The following DROSHA variants were observed in gnomAD, a reference collection of about 807,000 sequenced individuals.
DROSHA encodes the protein drosha ribonuclease III, also known as ribonuclease 3.
Under a neutral mutation model 181.9 loss-of-function variants are expected in DROSHA, and 56 were observed. The ratio of observed to expected loss-of-function variants is 0.31; its 90% CI spans 0.25 to 0.38. DROSHA has a LOEUF of 0.38. Ranked by LOEUF, DROSHA falls within the 10% of genes least tolerant of loss-of-function variation. The probability of loss-of-function intolerance (pLI) is 1.00; values close to 1 mark genes in which losing one functional copy is unlikely to be tolerated. For missense variants in DROSHA, 1,218 were observed against 1,743.5 expected (o/e 0.70, Z 5.37); for synonymous variants, 524 against 591.2 (o/e 0.89, Z 1.65).
At chr5:31,436,795 CACTA>C (rs1318848051) in intron 24 of DROSHA, among the ~76,000 whole-genome samples, 1 of 123,332 alleles carries the variant, frequency 8.1e-6, no homozygotes, top group Non-Finnish European at 1.7e-5. Flanking sequence ...CACACACACA[CACTA>C]GAAAATCTGG....
rs765550090 is a variant in DROSHA at position 31,421,262 on chromosome 5, AC to A, written c.3525+9del. On this transcript the variant is annotated intron_variant, in intron 30 of 35. Coordinates refer to ENST00000344624, the MANE Select transcript of DROSHA (RefSeq NM_001382508.1). The stretch of plus-strand genomic sequence containing the variant: ...CAATCTTATTGGAGGAAGTGATTTA[AC>A]CAACTCACAGTTAAGTGTCCTTCAT... The A allele has an allele frequency of 2.5e-6, 4 of 1,601,720 alleles. No individual in the cohort carries two copies. The highest frequency in any genetic ancestry group is 3.4e-6 in the Non-Finnish European group (4 of 1,169,150).
chr5:31,515,108 T>C lies in DROSHA; in HGVS notation c.1170A>G (p.Lys390=). Residue 390 remains lysine, a synonymous_variant, in exon 8 of 36, where the codon AAA becomes AAG. Coordinates refer to ENST00000344624, the MANE Select transcript of DROSHA (RefSeq NM_001382508.1). Reference sequence around the variant, plus strand: ...TGTCAGGCATGGTCTCCTCGGGCTCTTTTTCCTTGATTGAGGTATAGTTCT... The same window carrying C: ...TGTCAGGCATGGTCTCCTCGGGCTCCTTTTCCTTGATTGAGGTATAGTTCT... ...KDKNYTSIKE[K]EPEETMPDKN... 6.2e-7 allele frequency: 1 copy of C among 1,614,014 alleles called. No homozygotes were observed. Among genetic ancestry groups the C allele is most frequent in the Non-Finnish European group, 8.5e-7 (1 of 1,179,880 alleles).
chr5:31,447,739 C>A (rs1235478081), intron 23 of DROSHA, among the ~76,000 whole-genome samples: 3 of 152,084 alleles, frequency 2.0e-5, no homozygotes, highest in African/African-American at 7.2e-5. Context: ...TCAATAAGCA[C>A]ATGAAAAGAT....
chr5:31,421,519 T>C, intron 29 of DROSHA, 142 bp from the exon 30 acceptor site: 5 of 661,844 alleles, frequency 7.6e-6, no homozygotes, highest in Non-Finnish European at 1.3e-5. Flanking sequence ...TACAATTCCC[T>C]AAGGCCCCTC....
At chr5:31,503,446 C>T (rs1447023914) in intron 11 of DROSHA, among the ~76,000 whole-genome samples, 1 of 152,124 alleles carries the variant, frequency 6.6e-6, no homozygotes, top group African/African-American at 2.4e-5. Flanking sequence ...CAAGGAAGGG[C>T]CTGCTGTCCA....
At chr5:31,420,967 T>C (rs993217875) in intron 30 of DROSHA, among the ~76,000 whole-genome samples, 3 of 152,250 alleles carry the variant, frequency 2.0e-5, no homozygotes, top group African/African-American at 7.2e-5. Flanking sequence ...ATTTAAGCTT[T>C]AATCTCCTCT....
chr5:31,467,766 A>T, intron 18 of DROSHA, 173 bp downstream of exon 18: 1 of 843,274 alleles, frequency 1.2e-6, no homozygotes, highest in Non-Finnish European at 1.7e-6. Flanking sequence ...TACAGAAAAT[A>T]ATTCTTCAGG....
At chr5:31,486,375 C>CT in intron 14 of DROSHA, 116 bp downstream of exon 14, 1 of 990,138 alleles carries the variant, frequency 1.0e-6, no homozygotes, top group Non-Finnish European at 1.5e-6. Context: ...GAATATGATA[C>CT]TTTAGAGATA....
chr5:31,450,347 A>C (rs1219471782), intron 21 of DROSHA, among the ~76,000 whole-genome samples: 26 of 152,230 alleles, frequency 1.7e-4, no homozygotes, highest in Admixed American at 1.7e-3. Flanking sequence ...CCAAAGAAAA[A>C]GAAGTCATTA....
chr5:31,488,552 T>C (rs6889726), intron 13 of DROSHA, among the ~76,000 whole-genome samples: 16,690 of 151,880 alleles, frequency 0.11, 1,204 homozygotes, highest in East Asian at 0.23. Context: ...ACAGTTCAGA[T>C]AGAAGTGCGT....
At chr5:31,525,185 G>T (rs1317278467) in intron 5 of DROSHA, among the ~76,000 whole-genome samples, 1 of 151,960 alleles carries the variant, frequency 6.6e-6, no homozygotes, top group African/African-American at 2.4e-5. Flanking sequence ...ACAAAAAGTA[G>T]CTGGGCGTGG....
At chr5:31,435,415 A>C (rs1244953289) in intron 25 of DROSHA, among the ~76,000 whole-genome samples, 2 of 152,264 alleles carry the variant, frequency 1.3e-5, no homozygotes, top group Non-Finnish European at 2.9e-5. Flanking sequence ...CAAATGTACT[A>C]CAGAAATACT....
In DROSHA at chr5:31,495,275, T is replaced by C. The variant is rs1417424204; in HGVS notation, c.1755+11A>G. On this transcript the variant is annotated intron_variant, in intron 12 of 35. Coordinates refer to ENST00000344624, the MANE Select transcript of DROSHA (RefSeq NM_001382508.1). The stretch of plus-strand genomic sequence containing the variant: ...TTTAAATGATATGCATGTGATTCTT[T>C]AGAAACTTACTAAAAAGTTCGTAGG... The C allele has an allele frequency of 1.2e-6, 2 of 1,612,668 alleles. No homozygotes were observed. Among genetic ancestry groups the C allele is most frequent in the Non-Finnish European group, 1.7e-6 (2 of 1,179,146 alleles).
At chr5:31,433,351 A>G (rs1467384796) in intron 25 of DROSHA, among the ~76,000 whole-genome samples, 1 of 152,148 alleles carries the variant, frequency 6.6e-6, no homozygotes, top group African/African-American at 2.4e-5. Flanking sequence ...GAATATGTAA[A>G]TTTCATCTGT....
chr5:31,474,682 C>A (rs1409186824), intron 16 of DROSHA, among the ~76,000 whole-genome samples: 1 of 152,054 alleles, frequency 6.6e-6, no homozygotes, highest in East Asian at 1.9e-4. Flanking sequence ...AATCTTAACC[C>A]CCAGTATGAT....
At chr5:31,517,131 T>C (rs754486476) in intron 6 of DROSHA, among the ~76,000 whole-genome samples, 27 of 152,242 alleles carry the variant, frequency 1.8e-4, no homozygotes, top group South Asian at 6.2e-4. Flanking sequence ...GAAATGAATA[T>C]GTTTCATGCT....
intron 11 of DROSHA, among the ~76,000 whole-genome samples, chr5:31,499,491 A>G (rs1434266660): frequency 6.6e-6 from 1 of 152,186 alleles, no homozygotes; most frequent in Non-Finnish European, 1.5e-5. Flanking sequence ...ATGGCAGGGC[A>G]ACTAAACTTT....
Position 31,455,372 on chromosome 5 carries a change from GA to G in DROSHA, c.2575-3733del, listed in dbSNP as rs1372021909. On this transcript the variant is annotated intron_variant, in intron 20 of 35. Coordinates refer to ENST00000344624, the MANE Select transcript of DROSHA (RefSeq NM_001382508.1). The stretch of plus-strand genomic sequence containing the variant: ...CAGAAGAGAAGCAAAGAAAATACAA[GA>G]TGCATATAAGTGGAGTACTTTAAAA... Among the ~76,000 whole-genome samples, 8 of 151,998 alleles carry G rather than the reference GA, an allele frequency of 5.3e-5. No homozygotes were observed. In the South Asian group the frequency reaches 1.7e-3, roughly 32 times the overall value.
At chr5:31,447,692 C>T (rs1419537606) in intron 23 of DROSHA, among the ~76,000 whole-genome samples, 1 of 152,134 alleles carries the variant, frequency 6.6e-6, no homozygotes, top group Non-Finnish European at 1.5e-5. Flanking sequence ...GGAAAAGGAT[C>T]TGAATAGATA....
Sources: allele counts gnomAD v4.1 joint callset (sites outside exome capture counted in the v4.1 genomes callset), GRCh38; gene constraint gnomAD v4.1.1; transcripts MANE v1.5; gene names NCBI Gene and HGNC (gene_info 2026-07-23, HGNC 2026-07-21).